PDGFC: variants seen among roughly 807,000 people sequenced by gnomAD.
PDGFC encodes platelet-derived growth factor C.
A neutral mutation model predicts 35.5 loss-of-function variants in PDGFC; 12 were observed. The observed-to-expected ratio is 0.34, with a 90% confidence interval of 0.22 to 0.55. The LOEUF (loss-of-function observed/expected upper bound fraction) is 0.55. Ranked by LOEUF, PDGFC falls within the 20% of genes least tolerant of loss-of-function variation. PDGFC has a pLI of 0.91. For synonymous variants in PDGFC, 159 were observed against 148.8 expected, an observed-to-expected ratio of 1.07 and a Z score of -0.50; for missense variants, 322 against 412.4, an observed-to-expected ratio of 0.78 and a Z score of 1.90.
chr4:156,857,466 T>A (rs1212095981), intron 1 of PDGFC, among the ~76,000 whole-genome samples: 1 of 152,096 alleles, frequency 6.6e-6, no homozygotes, highest in African/African-American at 2.4e-5. Flanking sequence ...TTTGACTTGA[T>A]GCTGTCTTTA....
rs182144223 is a variant in PDGFC at position 156,763,034 on chromosome 4, T to C, written c.*56A>G. On this transcript the variant is annotated 3_prime_UTR_variant, in exon 6 of 6. Coordinates refer to ENST00000502773, the MANE Select transcript of PDGFC (RefSeq NM_016205.3). ...TGGAGATAACGCATACGTTCTCTAATAGAATCAGCCACTGCACTGCACAGC... is the reference window on the plus strand; with the variant it reads ...TGGAGATAACGCATACGTTCTCTAACAGAATCAGCCACTGCACTGCACAGC... 1.0e-5 allele frequency: 9 copies of C among 869,238 alleles called. No individual in the cohort carries two copies. The highest frequency in any genetic ancestry group is 8.5e-5 in the Admixed American group (5 of 58,708). 53.8% of individuals were successfully genotyped at this position (869,238 alleles called of 1,614,324 possible). A position where few individuals can be genotyped will look rare whatever the true frequency, so the allele number is the denominator to read the frequency against.
At chr4:156,829,595 T>A (rs988301661) in intron 2 of PDGFC, among the ~76,000 whole-genome samples, 1 of 152,166 alleles carries the variant, frequency 6.6e-6, no homozygotes, top group African/African-American at 2.4e-5. Flanking sequence ...TGCTTTAATA[T>A]CTAGGATTCC....
intron 1 of PDGFC, among the ~76,000 whole-genome samples, chr4:156,851,195 AAT>A (rs1318523429): frequency 3.3e-5 from 5 of 152,234 alleles, no homozygotes; most frequent in African/African-American, 1.2e-4. Context: ...AAATAACCTA[AAT>A]CTTAAATGAC....
At chr4:156,965,782 T>C (rs1451603131) in intron 1 of PDGFC, among the ~76,000 whole-genome samples, 1 of 152,116 alleles carries the variant, frequency 6.6e-6, no homozygotes, top group Non-Finnish European at 1.5e-5. Context: ...CTTCAAGTCA[T>C]GGGTCAGGCC....
At chr4:156,880,145 T>C (rs2111167733) in intron 1 of PDGFC, among the ~76,000 whole-genome samples, 1 of 152,202 alleles carries the variant, frequency 6.6e-6, no homozygotes, top group South Asian at 2.1e-4. Flanking sequence ...TCGATGTAGG[T>C]GAAACAGTCT....
intron 2 of PDGFC, among the ~76,000 whole-genome samples, chr4:156,819,911 C>A (rs1355653825): frequency 6.6e-6 from 1 of 152,156 alleles, no homozygotes; most frequent in African/African-American, 2.4e-5. Context: ...GTCAACATAT[C>A]AACATTAACA....
At chr4:156,865,370 A>T (rs1729815330) in intron 1 of PDGFC, among the ~76,000 whole-genome samples, 1 of 152,228 alleles carries the variant, frequency 6.6e-6, no homozygotes, top group Admixed American at 6.5e-5. Flanking sequence ...TTTATATTAC[A>T]TAATTTTAAA....
rs1730352630 is a variant in PDGFC at position 156,760,586 on chromosome 4, T to G, written c.*2504A>C. The G allele has an allele frequency of 6.6e-6, 1 of 152,074 alleles. No homozygotes were observed. Among genetic ancestry groups the G allele is most frequent in the Non-Finnish European group, 1.5e-5 (1 of 68,026 alleles). The allele number at this position is 152,074 out of a possible 1,614,324, so 9.4% of individuals were successfully genotyped here. On this transcript the variant is annotated 3_prime_UTR_variant, in exon 6 of 6. Coordinates refer to ENST00000502773, the MANE Select transcript of PDGFC (RefSeq NM_016205.3). ...CAATACAGTCAATACTTACTGTACT[T>G]CTCAGAAATTAGGGTCATGTGCTAT...
At chr4:156,801,784 T>C (rs1731618964) in intron 3 of PDGFC, among the ~76,000 whole-genome samples, 1 of 152,194 alleles carries the variant, frequency 6.6e-6, no homozygotes, top group African/African-American at 2.4e-5. Context: ...GTCTGTAAAA[T>C]GCATAATCAC....
chr4:156,770,483 G>C (rs1248510780), intron 4 of PDGFC: 1 of 151,814 alleles, frequency 6.6e-6, no homozygotes, highest in East Asian at 1.9e-4. Flanking sequence ...ACTTTTGGGG[G>C]GGGAAGGCAA....
intron 1 of PDGFC, among the ~76,000 whole-genome samples, chr4:156,891,467 A>G (rs1730508510): frequency 6.6e-6 from 1 of 152,290 alleles, no homozygotes; most frequent in African/African-American, 2.4e-5. Flanking sequence ...TAATTTACAA[A>G]GTGTTTCAGG....
Position 156,868,687 on chromosome 4 carries a change from G to T in PDGFC, c.119-18271C>A, listed in dbSNP as rs192865860. Among the ~76,000 whole-genome samples the T allele has an allele frequency of 2.4e-3, 372 of 152,240 alleles. 5 individuals carry two copies. Among genetic ancestry groups the T allele is most frequent in the African/African-American group, 8.6e-3 (357 of 41,540 alleles). On this transcript the variant is annotated intron_variant, in intron 1 of 5. Coordinates refer to ENST00000502773, the MANE Select transcript of PDGFC (RefSeq NM_016205.3). ...ACAGTTTTCTATCAGTGAACCACCT[G>T]CTAGTTCTTAATTGACCTTTTAATG...
intron 1 of PDGFC, among the ~76,000 whole-genome samples, chr4:156,921,610 G>T (rs1731283382): frequency 6.6e-6 from 1 of 152,108 alleles, no homozygotes; most frequent in Non-Finnish European, 1.5e-5. Flanking sequence ...CCAAGACACA[G>T]AAATATGTTT....
At chr4:156,825,614 G>GAAGAAA (rs1732442201) in intron 2 of PDGFC, among the ~76,000 whole-genome samples, 2 of 137,116 alleles carry the variant, frequency 1.5e-5, no homozygotes, top group Non-Finnish European at 3.2e-5. Context: ...AGAAGAAGAA[G>GAAGAAA]AAGAAGAAGA....
At chr4:156,943,489 G>T (rs2110914303) in intron 1 of PDGFC, among the ~76,000 whole-genome samples, 1 of 152,156 alleles carries the variant, frequency 6.6e-6, no homozygotes, top group Non-Finnish European at 1.5e-5. Flanking sequence ...AGATCCGGGA[G>T]GATTCAAATG....
chr4:156,922,154 TAG>T lies in PDGFC; in HGVS notation c.118+48630_118+48631del, dbSNP rs1491163165. Among the ~76,000 whole-genome samples the T allele has an allele frequency of 6.9e-5, 6 of 86,598 alleles. No individual in the cohort carries two copies. In the South Asian group the frequency reaches 2.2e-3, roughly 32 times the overall value. 56.8% of individuals were successfully genotyped at this position (86,598 alleles called of 152,430 possible). ...GTTGTGCCTATCTCACAAGGATTCA[TAG>T]TGTGTGTGTGTGTGTGTGTGTGTGT... On this transcript the variant is annotated intron_variant, in intron 1 of 5. Coordinates refer to ENST00000502773, the MANE Select transcript of PDGFC (RefSeq NM_016205.3).
intron 2 of PDGFC, among the ~76,000 whole-genome samples, chr4:156,838,044 C>T (rs1382130088): frequency 2.6e-5 from 4 of 152,090 alleles, no homozygotes; most frequent in East Asian, 1.9e-4. Flanking sequence ...AATTATGCCA[C>T]TGGGCTAACT....
intron 1 of PDGFC, among the ~76,000 whole-genome samples, chr4:156,923,413 C>T (rs1325718707): frequency 1.3e-5 from 2 of 152,198 alleles, no homozygotes; most frequent in African/African-American, 4.8e-5. Flanking sequence ...AATAGCCCCA[C>T]TATTCAATTG....
chr4:156,824,327 T>TACACATATACACATAC (rs1553967645), intron 2 of PDGFC, among the ~76,000 whole-genome samples: 1,168 of 102,180 alleles, frequency 0.011, 31 homozygotes, highest in South Asian at 0.033. Flanking sequence ...TATATATATA[T>TACACATATACACATAC]ACACACACAC....
Sources: gnomAD v4.1 joint callset for allele counts (sites outside exome capture counted in the v4.1 genomes callset) on GRCh38, gnomAD v4.1.1 for gene constraint, MANE v1.5 for transcripts, NCBI Gene and HGNC (gene_info 2026-07-23, HGNC 2026-07-21) for gene names.